Variants in RELCH observed in about 807,000 individuals in gnomAD.
The protein encoded by RELCH is RAB11 binding and LisH domain, coiled-coil and HEAT repeat containing.
A neutral mutation model predicts 150.3 loss-of-function variants in RELCH; 41 were observed. That is an observed-to-expected ratio of 0.27 (90% CI 0.21 to 0.35). The LOEUF is 0.35. RELCH is among the 10% of genes least tolerant of loss of function. The pLI, the probability that RELCH is intolerant of heterozygous loss-of-function variation, is 1.00. For missense variants in RELCH, 1,092 were observed against 1,467.8 expected (o/e 0.74, Z 4.18); for synonymous variants, 478 against 531.8 (o/e 0.90, Z 1.39).
At chr18:62,203,486 A>G (rs939886899) in intron 1 of RELCH, among the ~76,000 whole-genome samples, 4 of 152,196 alleles carry the variant, frequency 2.6e-5, no homozygotes, top group African/African-American at 9.7e-5. Context: ...CTCACTAGAA[A>G]TCAAAGAGAT....
At chr18:62,256,705 T>C (rs574297339) in intron 13 of RELCH, among the ~76,000 whole-genome samples, 1 of 152,088 alleles carries the variant, frequency 6.6e-6, no homozygotes, top group Non-Finnish European at 1.5e-5. Context: ...TAATGCCTCC[T>C]GACCAATGCT....
At chr18:62,263,931 A>G (rs1292690205) in intron 16 of RELCH, 58 bp from the exon 17 acceptor site, 1 of 1,411,180 alleles carries the variant, frequency 7.1e-7, no homozygotes, top group African/African-American at 1.5e-5. Flanking sequence ...TCAACAGAAT[A>G]TCTAAGTTCC....
rs1289415424 is a variant in RELCH, at chr18:62,309,420, C to T, written c.*3886C>T. On this transcript the variant is annotated 3_prime_UTR_variant, in exon 29 of 29. Coordinates refer to ENST00000644646, the MANE Select transcript of RELCH (RefSeq NM_001346231.2). ...TCTCCAAGTGGCACATCTCATCATT[C>T]ATATTTTCTCTTCAGAACCAAGTAC... 6.6e-6 allele frequency: 1 copy of T among 152,110 alleles called. No homozygotes were observed. Among genetic ancestry groups the T allele is most frequent in the East Asian group, 1.9e-4 (1 of 5,192 alleles). The allele number at this position is 152,110 out of a possible 1,614,324, so 9.4% of individuals were successfully genotyped here.
In RELCH at chr18:62,187,698, A is replaced by C; in HGVS notation, c.193A>C (p.Ser65Arg). The change falls in exon 1 of 29, where the codon AGC (serine) becomes CGC (arginine). Residue 65 changes from serine (S) to arginine (R), a missense_variant. Ser to Arg is a moderately radical substitution (Grantham distance 110). Around this residue, in one of 4 missense-constraint regions of RELCH, gnomAD observed 138 missense variants for 124.8 expected, o/e 1.11. Transcript: ENST00000644646. Reference sequence around the variant, plus strand: ...GCCACAGGATCCCGTGGCCTTAGGAAGCAGTGCGCGGCCAGGGCTCCCTGG... The same window carrying C: ...GCCACAGGATCCCGTGGCCTTAGGACGCAGTGCGCGGCCAGGGCTCCCTGG... ...LSPQDPVALG[S>R]SARPGLPGEA... 1 of 1,594,206 alleles carries C rather than the reference A, an allele frequency of 6.3e-7. No individual in the cohort carries two copies. Among genetic ancestry groups the C allele is most frequent in the Non-Finnish European group, 8.6e-7 (1 of 1,166,922 alleles).
rs114292759 is a variant in RELCH at position 62,203,849 on chromosome 18, C to T, written c.527-7304C>T. 4.9e-3 allele frequency among the ~76,000 whole-genome samples: 751 copies of T among 152,170 alleles called. 9 individuals are homozygous for T. Among genetic ancestry groups the T allele is most frequent in the African/African-American group, 0.017 (720 of 41,522 alleles). ...TTAAAAAGTTAGTCAGCAATGGTGG[C>T]ACATCTCTAGTCCTAGCTACTTGGA... On this transcript the variant is annotated intron_variant, in intron 1 of 28. Coordinates refer to ENST00000644646, the MANE Select transcript of RELCH (RefSeq NM_001346231.2).
chr18:62,250,905 G>A (rs996400959), intron 11 of RELCH, among the ~76,000 whole-genome samples: 1 of 152,126 alleles, frequency 6.6e-6, no homozygotes. Flanking sequence ...TTTCCTTGAA[G>A]TTGGCTACTT....
intron 10 of RELCH, chr18:62,235,551 A>G (rs1361127984): frequency 6.6e-6 from 1 of 152,024 alleles, no homozygotes; most frequent in Non-Finnish European, 1.5e-5. Context: ...GAGTATTGTC[A>G]TCCTAACAAC....
chr18:62,224,172 A>G (rs184202992), intron 5 of RELCH, among the ~76,000 whole-genome samples: 3 of 152,122 alleles, frequency 2.0e-5, no homozygotes, highest in East Asian at 3.9e-4. Flanking sequence ...CATGTGTCCA[A>G]GTGATCTAAT....
chr18:62,195,774 C>T (rs906605874), intron 1 of RELCH, among the ~76,000 whole-genome samples: 4 of 151,788 alleles, frequency 2.6e-5, no homozygotes, highest in Non-Finnish European at 5.9e-5. Flanking sequence ...TGGCTCACTG[C>T]CATCTCCACC....
At chr18:62,260,849 A>G (rs181559833) in intron 15 of RELCH, among the ~76,000 whole-genome samples, 1 of 151,986 alleles carries the variant, frequency 6.6e-6, no homozygotes, top group South Asian at 2.1e-4. Context: ...TCTCACTCAC[A>G]TGTGGGAGCT....
At chr18:62,303,371 C>T (rs1179284496) in intron 28 of RELCH, among the ~76,000 whole-genome samples, 1 of 152,148 alleles carries the variant, frequency 6.6e-6, no homozygotes, top group Non-Finnish European at 1.5e-5. Flanking sequence ...ATGATGTATG[C>T]AGGTATTGGT....
At position 62,199,662 on chromosome 18, in the gene RELCH, C is replaced by G. The variant is rs115557211; in HGVS notation, c.527-11491C>G. On this transcript the variant is annotated intron_variant, in intron 1 of 28. Transcript: ENST00000644646. ...GTCTGAGCAAGATTCCATCAAAGCTCTGTTTCTGAGGCCATTCACAACATC... is the reference window on the plus strand; with the variant it reads ...GTCTGAGCAAGATTCCATCAAAGCTGTGTTTCTGAGGCCATTCACAACATC... Among the ~76,000 whole-genome samples the G allele has an allele frequency of 5.0e-3, 762 of 152,326 alleles. 9 individuals carry two copies. The highest frequency in any genetic ancestry group is 0.018 in the African/African-American group (730 of 41,564).
intron 27 of RELCH, 88 bp downstream of exon 27, chr18:62,291,719 T>C (rs537786904): frequency 3.6e-6 from 3 of 832,626 alleles, no homozygotes; most frequent in Admixed American, 2.8e-5. Flanking sequence ...GCTTATGATA[T>C]GCTGTAATTT....
intron 5 of RELCH, among the ~76,000 whole-genome samples, chr18:62,224,240 T>A (rs1011651541): frequency 6.6e-6 from 1 of 152,170 alleles, no homozygotes; most frequent in African/African-American, 2.4e-5. Context: ...GTCCTTGTGA[T>A]AGTTTGCTGA....
chr18:62,280,784 G>A (rs995279647), intron 24 of RELCH, 75 bp downstream of exon 24: 4 of 987,942 alleles, frequency 4.0e-6, no homozygotes, highest in Non-Finnish European at 6.4e-6. Context: ...GTGGTAGGCT[G>A]CAGGGAGCAT....
At chr18:62,210,338 C>A (rs556838680) in intron 1 of RELCH, among the ~76,000 whole-genome samples, 1 of 152,114 alleles carries the variant, frequency 6.6e-6, no homozygotes, top group African/African-American at 2.4e-5. Flanking sequence ...ATATGTTAGA[C>A]CTTTTTTATT....
intron 25 of RELCH, 33 bp downstream of exon 25, chr18:62,282,477 T>C (rs773593410): frequency 1.6e-5 from 25 of 1,605,306 alleles, no homozygotes; most frequent in Non-Finnish European, 1.9e-5. Context: ...TTTCCTGAAT[T>C]GTAATGTAAG....
chr18:62,269,551 AAC>A (rs1421698579), intron 20 of RELCH: 3 of 238,614 alleles, frequency 1.3e-5, no homozygotes, highest in Non-Finnish European at 2.7e-5. Flanking sequence ...TTGTGCATGA[AAC>A]AGTTTGTGTA....
At chr18:62,238,824 A>G (rs1433126115) in intron 10 of RELCH, among the ~76,000 whole-genome samples, 1 of 152,152 alleles carries the variant, frequency 6.6e-6, no homozygotes, top group Non-Finnish European at 1.5e-5. Flanking sequence ...ACATATCTCA[A>G]TAAAACCGTC....
Sources: allele counts gnomAD v4.1 joint callset (sites outside exome capture counted in the v4.1 genomes callset), GRCh38; gene constraint gnomAD v4.1.1; regional missense constraint gnomAD v4.1.1; transcripts MANE v1.5; gene names NCBI Gene and HGNC (gene_info 2026-07-23, HGNC 2026-07-21).